Variants in MLX observed in about 807,000 individuals in gnomAD.
The protein encoded by MLX is MAX dimerization protein MLX.
MLX carries 15 observed loss-of-function variants against 33.0 expected under a neutral mutation model. The observed-to-expected ratio is 0.45, with a 90% CI of 0.30 to 0.70. MLX has a LOEUF of 0.70. MLX is among the 30% of genes least tolerant of loss of function. MLX has a pLI of 0.07. For missense variants in MLX, 285 were observed against 306.3 expected (o/e 0.93, Z 0.52); for synonymous variants, 115 against 115.6 (o/e 0.99, Z 0.03).
In MLX at chr17:42,568,542, C is replaced by T. The variant is rs756258939; in HGVS notation, c.152C>T (p.Ser51Phe). The change falls in exon 3 of 8, where the codon TCT becomes TTT. Residue 51 changes from serine (S) to phenylalanine (F), a missense_variant. Physicochemically the swap from Ser to Phe is radical, Grantham distance 155 (BLOSUM62 -2). Coordinates refer to ENST00000435881, the MANE Select transcript of MLX (RefSeq NM_198204.2). ...RANSIGSTSA[S>F]SVPNTDDEDS... ...AATAGCATCGGTTCCACCAGTGCCTCTTCTGTCCCCAACACAGGTAGGCAG... is the reference window on the plus strand; with the variant it reads ...AATAGCATCGGTTCCACCAGTGCCTTTTCTGTCCCCAACACAGGTAGGCAG... 3.1e-6 allele frequency: 5 copies of T among 1,613,608 alleles called. No individual in the cohort carries two copies. The highest frequency in any genetic ancestry group is 1.3e-5 in the African/African-American group (1 of 74,862).
rs774834596 is a variant in MLX, at chr17:42,569,573, G to A, written c.443G>A (p.Arg148His). 17 of 1,614,002 alleles carry A rather than the reference G, an allele frequency of 1.1e-5. No individual in the cohort carries two copies. Among genetic ancestry groups the A allele is most frequent in the East Asian group, 2.2e-5 (1 of 44,896 alleles). The stretch of plus-strand genomic sequence containing the variant: ...CAGGAGGAGGAGGTGTCCACGTTAC[G>A]CAAGGATGTCACCGCCCTAAAGATC... ...KKQEEEVSTL[R>H]KDVTALKIMK... The change falls in exon 6 of 8, where the codon CGC (arginine) becomes CAC (histidine). Residue 148 changes from arginine to histidine, a missense_variant. Arg to His is a conservative substitution (Grantham distance 29). Coordinates refer to ENST00000435881, the MANE Select transcript of MLX (RefSeq NM_198204.2).
chr17:42,567,209 C>T, intron 1 of MLX, 43 bp downstream of exon 1: 1 of 1,302,214 alleles, frequency 7.7e-7, no homozygotes. Flanking sequence ...GAGGGCGGGT[C>T]GGGCTCGTGC....
rs368928746 is a variant in MLX, at chr17:42,573,060, C to G, written c.*1457C>G. Reference sequence around the variant, plus strand: ...GGGAGACAAGTGAATGAGATGTCACCAGGATAAGACCACAGGGAAGCAAAG... The same window carrying G: ...GGGAGACAAGTGAATGAGATGTCACGAGGATAAGACCACAGGGAAGCAAAG... On this transcript the variant is annotated 3_prime_UTR_variant, in exon 8 of 8. Transcript: ENST00000435881. 63 of 1,614,156 alleles carry G rather than the reference C, an allele frequency of 3.9e-5. No individual in the cohort carries two copies. The Middle Eastern group carries it at 5.4e-3, about 139-fold the overall frequency.
chr17:42,567,188 G>T (rs1443531017), intron 1 of MLX, 22 bp downstream of exon 1: 2 of 1,288,214 alleles, frequency 1.6e-6, no homozygotes, highest in Non-Finnish European at 2.0e-6. Flanking sequence ...GGGCGCGCAC[G>T]CCGGCGAGGG....
chr17:42,567,738 T>C, intron 2 of MLX, 83 bp downstream of exon 2: 1 of 1,573,848 alleles, frequency 6.4e-7, no homozygotes, highest in Non-Finnish European at 8.7e-7. Context: ...CAACCACGCC[T>C]GAGCACAGTC....
chr17:42,569,372 C>T, intron 5 of MLX, 69 bp downstream of exon 5: 2 of 1,540,224 alleles, frequency 1.3e-6, no homozygotes, highest in Non-Finnish European at 1.8e-6. Context: ...TGCCTCCTAC[C>T]CACCCATGGC....
At position 42,573,150 on chromosome 17, in the gene MLX, T is replaced by A. The variant is rs111830611; in HGVS notation, c.*1547T>A. On this transcript the variant is annotated 3_prime_UTR_variant, in exon 8 of 8. Transcript: ENST00000435881. ...CTTGGGGTATCCTTCAAGTATTGCATCAGACAGCTCTGTAGCCTGACAAGA... is the reference window on the plus strand; with the variant it reads ...CTTGGGGTATCCTTCAAGTATTGCAACAGACAGCTCTGTAGCCTGACAAGA... 2.5e-5 allele frequency: 41 copies of A among 1,614,218 alleles called. No homozygotes were observed. Among genetic ancestry groups the A allele is most frequent in the Non-Finnish European group, 3.5e-5 (41 of 1,180,042 alleles).
At chr17:42,570,586 GTCT>G (rs1280506415) in intron 7 of MLX, among the ~76,000 whole-genome samples, 1 of 152,150 alleles carries the variant, frequency 6.6e-6, no homozygotes, top group Non-Finnish European at 1.5e-5. Flanking sequence ...ATTGCACTAA[GTCT>G]TCTAATTGAA....
rs2093032811 is a variant in MLX at position 42,571,563 on chromosome 17, T to C, written c.695T>C (p.Val232Ala). ...CCTCGCCAGACCCTGCGGGAGATTG[T>C]GATTGGCGTCCTGCACCAATTGAAA... ...HCKPQTLREIVIGVLHQLKNQ... is the reference protein window; with the variant it reads ...HCKPQTLREIAIGVLHQLKNQ... The change falls in exon 8 of 8, where the codon GTG becomes GCG. Residue 232 changes from valine to alanine, a missense_variant. By Grantham distance (64) the Val-to-Ala change is moderately conservative. Coordinates refer to ENST00000435881, the MANE Select transcript of MLX (RefSeq NM_198204.2). 6.2e-7 allele frequency: 1 copy of C among 1,614,108 alleles called. No homozygotes were observed. Among genetic ancestry groups the C allele is most frequent in the African/African-American group, 1.3e-5 (1 of 74,950 alleles).
At chr17:42,571,236 C>G (rs1011717393) in intron 7 of MLX, among the ~76,000 whole-genome samples, 1 of 150,176 alleles carries the variant, frequency 6.7e-6, no homozygotes, top group Non-Finnish European at 1.5e-5. Context: ...CTCCTGGGTT[C>G]AGGCGATTCT....
chr17:42,567,433 A>T, intron 1 of MLX, 186 bp from the exon 2 acceptor site: 2 of 1,377,388 alleles, frequency 1.5e-6, no homozygotes, highest in Non-Finnish European at 1.9e-6. Flanking sequence ...CGCACGCCCT[A>T]GCCTGTGCCA....
intron 7 of MLX, among the ~76,000 whole-genome samples, 193 bp downstream of exon 7, chr17:42,570,376 G>T (rs544504347): frequency 1.3e-5 from 2 of 152,228 alleles, no homozygotes; most frequent in East Asian, 1.9e-4. Flanking sequence ...GTTTCATTCG[G>T]CAAGTGTGAC....
Position 42,567,440 on chromosome 17 carries a change from G to T in MLX, c.43-179G>T. 9 of 1,383,784 alleles carry T rather than the reference G, an allele frequency of 6.5e-6. No homozygotes were observed. The South Asian group carries it at 1.1e-4, about 17-fold the overall frequency. The allele number at this position is 1,383,784 out of a possible 1,614,324, so 85.7% of individuals were successfully genotyped here. On this transcript the variant is annotated intron_variant, in intron 1 of 7. Transcript: ENST00000435881. ...GAGGCACTCGCACGCCCTAGCCTGT[G>T]CCAGTCTCGGGGGACTCATTAAGCT... is the stretch of plus-strand genomic sequence containing the variant.
chr17:42,569,812 G>T, intron 6 of MLX, 170 bp from the exon 7 acceptor site: 1 of 732,904 alleles, frequency 1.4e-6, no homozygotes, highest in Admixed American at 2.4e-5. Context: ...AGGAAGGTTG[G>T]AGAGAGAGGG....
intron 2 of MLX, chr17:42,567,899 T>TCA (rs1389302572): frequency 8.6e-6 from 5 of 584,118 alleles, no homozygotes; most frequent in Non-Finnish European, 1.5e-5. Context: ...AGCTGATCAC[T>TCA]CACACCCTCA....
intron 1 of MLX, 122 bp from the exon 2 acceptor site, chr17:42,567,497 C>A (rs2143244371): frequency 6.6e-7 from 1 of 1,526,576 alleles, no homozygotes; most frequent in Non-Finnish European, 8.9e-7. Flanking sequence ...TGTGTGCAAG[C>A]GCGCAGGGTG....
At position 42,572,061 on chromosome 17, in the gene MLX, GAA is replaced by G; in HGVS notation, c.*462_*463del. 3.9e-6 allele frequency: 1 copy of G among 258,504 alleles called. No individual in the cohort carries two copies. The highest frequency in any genetic ancestry group is 7.7e-6 in the Non-Finnish European group (1 of 130,704). 16.0% of individuals were successfully genotyped at this position (258,504 alleles called of 1,614,324 possible). A position where few individuals can be genotyped will look rare whatever the true frequency, so the allele number is the denominator to read the frequency against. ...GCATTTTGGCAGTAGCTGTATGGGAGAAAAAGAGTAAGAGGAAATATTCCCAC... is the reference window on the plus strand; with the variant it reads ...GCATTTTGGCAGTAGCTGTATGGGAGAAAGAGTAAGAGGAAATATTCCCAC... On this transcript the variant is annotated 3_prime_UTR_variant, in exon 8 of 8. Transcript: ENST00000435881.
intron 2 of MLX, 157 bp downstream of exon 2, chr17:42,567,812 A>T (rs1395265253): frequency 3.3e-6 from 3 of 903,020 alleles, no homozygotes; most frequent in Non-Finnish European, 5.1e-6. Flanking sequence ...GGCAGAAAAC[A>T]ACTGAGGGTG....
Position 42,567,643 on chromosome 17 carries a change from AG to A in MLX, c.68del (p.Ser23ThrfsTer8). ...GGTGGAGTATGCCTACAGCGACAACAGCCTGGACCCCGGTGAGTAGCTGCCC... is the reference window on the plus strand; with the variant it reads ...GGTGGAGTATGCCTACAGCGACAACACCTGGACCCCGGTGAGTAGCTGCCC... ...VKVEYAYSDN[S>X]LDPGLFVEST... On this transcript the variant is annotated frameshift_variant, in exon 2 of 8. Coordinates refer to ENST00000435881, the MANE Select transcript of MLX (RefSeq NM_198204.2). LOFTEE classifies it high-confidence loss of function. 6.2e-7 allele frequency: 1 copy of A among 1,614,066 alleles called. No individual in the cohort carries two copies. Among genetic ancestry groups the A allele is most frequent in the Non-Finnish European group, 8.5e-7 (1 of 1,179,984 alleles).
Sources: gnomAD v4.1 joint callset for allele counts (sites outside exome capture counted in the v4.1 genomes callset) on GRCh38, gnomAD v4.1.1 for gene constraint, MANE v1.5 for transcripts, NCBI Gene and HGNC (gene_info 2026-07-23, HGNC 2026-07-21) for gene names.